FAM9A: variants seen among roughly 807,000 people sequenced by gnomAD.
FAM9A encodes protein FAM9A.
FAM9A carries 49 observed loss-of-function variants against 25.0 expected under a neutral mutation model. The ratio of observed to expected loss-of-function variants is 1.96; its 90% confidence interval spans 1.56 to 2.48. The LOEUF (loss-of-function observed/expected upper bound fraction) is 2.48, where lower values mean the gene tolerates loss of function less well. Among genes scored for constraint, FAM9A ranks in the 30% most tolerant of loss-of-function variants. FAM9A has a pLI of 0.00. For synonymous variants in FAM9A, 80 were observed against 85.1 expected (o/e 0.94, Z 0.33); for missense variants, 266 against 249.3 (o/e 1.07, Z -0.45).
chrX:8,801,273 ATGCTCG>A (rs1933607684), intron 1 of FAM9A, 32 bp downstream of exon 1: 1 of 108,645 alleles, frequency 9.2e-6, no homozygotes, highest in Non-Finnish European at 1.9e-5. Flanking sequence ...AGAGGGCCGC[ATGCTCG>A]ACTTCCTGCC....
chrX:8,798,017 A>G, intron 5 of FAM9A, 133 bp downstream of exon 5: 1 of 575,307 alleles, frequency 1.7e-6, no homozygotes, highest in East Asian at 3.7e-5. Context: ...CATTAAATAC[A>G]TATGTTAAAT....
At position 8,798,146 on chromosome X, in the gene FAM9A, A is replaced by C. The variant is rs913986395; in HGVS notation, c.373+4T>G. 2 of 1,201,140 alleles carry C rather than the reference A, an allele frequency of 1.7e-6. No homozygotes were observed. Among genetic ancestry groups the C allele is most frequent in the African/African-American group, 1.8e-5 (1 of 57,139 alleles). On this transcript the variant is annotated splice_donor_region_variant and intron_variant, in intron 5 of 9. Transcript: ENST00000381003. ...AAAGACTACGAATAGCTCCTAAAAC[A>C]TACCTGCAATATGTTCTAGCTTCAT...
In FAM9A at chrX:8,798,762, C is replaced by T. The variant is rs1396467390; in HGVS notation, c.220+204G>A. Among the ~76,000 whole-genome samples, 23 of 112,894 alleles carry T rather than the reference C, an allele frequency of 2.0e-4. No homozygotes were observed. In the Admixed American group the frequency reaches 2.1e-3, roughly 10 times the overall value. ...TGCTCTGCGAGCATCTGTAACCCTG[C>T]TATGAGGGGGAGCCTCCCACGGGAA... On this transcript the variant is annotated intron_variant, in intron 3 of 9. Transcript: ENST00000381003.
In FAM9A at chrX:8,800,095, C is replaced by A. The variant is rs775634634; in HGVS notation, c.77G>T (p.Gly26Val). Residue 26 changes from glycine to valine, a missense_variant, in exon 2 of 10, where the codon GGG becomes GTG. Physicochemically the swap from Gly to Val is moderately radical, Grantham distance 109. Transcript: ENST00000381003. ...QLEAQVTAAQ[G>V]ATKEGSGIAS... ...TGGGCGTGCACCTTCTTTCGTGGCC[C>A]CCTGGGCGGCCGTAACTTGAGCTTC... 1.7e-6 allele frequency: 2 copies of A among 1,205,609 alleles called. No individual in the cohort carries two copies. Among genetic ancestry groups the A allele is most frequent in the African/African-American group, 3.6e-5 (2 of 56,115 alleles).
At chrX:8,800,300 G>C (rs1933592160) in intron 1 of FAM9A, 91 bp from the exon 2 acceptor site, 1 of 941,581 alleles carries the variant, frequency 1.1e-6, no homozygotes, top group Admixed American at 2.8e-5. Flanking sequence ...GAAAGGGTGG[G>C]GCTGGCCCAC....
rs1376119113 is a variant in FAM9A at position 8,795,128 on chromosome X, T to TTTCTTCTCCTTCTCCTCCTCCTCCTCC, written c.754_780dup (p.Gly252_Glu260dup). ...TCTTCTTCCTCTTCCTCTTCTTCTG[T>TTTCTTCTCCTTCTCCTCCTCCTCCTCC]TTCTTCTCCTTCTCCTCCTCCTCCT... is the stretch of plus-strand genomic sequence containing the variant. On this transcript the variant is annotated inframe_insertion, in exon 7 of 10. Coordinates refer to ENST00000381003, the MANE Select transcript of FAM9A (RefSeq NM_174951.3). 6.2e-6 allele frequency: 7 copies of TTTCTTCTCCTTCTCCTCCTCCTCCTCC among 1,130,106 alleles called. No individual in the cohort carries two copies. The South Asian group carries it at 1.2e-4, about 20-fold the overall frequency. 93.1% of individuals were successfully genotyped at this position (1,130,106 alleles called of 1,213,427 possible).
Position 8,798,387 on chromosome X carries a change from G to A in FAM9A, c.313C>T (p.Pro105Ser). The change falls in exon 4 of 10, where the codon CCT becomes TCT. Residue 105 changes from proline (P) to serine (S), a missense_variant. Coordinates refer to ENST00000381003, the MANE Select transcript of FAM9A (RefSeq NM_174951.3). ...GTGTGTTCATCTTTTTCAGCAAAAGGTTCTCTTTCCCCATGCTCATCAGTT... is the reference window on the plus strand; with the variant it reads ...GTGTGTTCATCTTTTTCAGCAAAAGATTCTCTTTCCCCATGCTCATCAGTT... ...DVTDEHGERE[P>S]FAEKDEHTGI... 8.3e-7 allele frequency: 1 copy of A among 1,211,443 alleles called. No homozygotes were observed. Among genetic ancestry groups the A allele is most frequent in the South Asian group, 1.8e-5 (1 of 56,839 alleles).
In FAM9A at chrX:8,793,766, C is replaced by CA. The variant is rs772204608; in HGVS notation, c.832-11dup. The CA allele has an allele frequency of 5.2e-6, 6 of 1,150,646 alleles. No individual in the cohort carries two copies. The highest frequency in any genetic ancestry group is 7.1e-6 in the Non-Finnish European group (6 of 845,592). The allele number at this position is 1,150,646 out of a possible 1,213,427, so 94.8% of individuals were successfully genotyped here. A position where few individuals can be genotyped will look rare whatever the true frequency, so the allele number is the denominator to read the frequency against. Reference sequence around the variant, plus strand: ...TTTCTTGAAATGCTTTCTAGAAGCACAAAAAAATAGTGATGAAAATTGGGT... The same window carrying CA: ...TTTCTTGAAATGCTTTCTAGAAGCACAAAAAAAATAGTGATGAAAATTGGGT... On this transcript the variant is annotated splice_polypyrimidine_tract_variant and intron_variant, in intron 7 of 9. Transcript: ENST00000381003.
In FAM9A at chrX:8,798,152, G is replaced by C. The variant is rs1933554173; in HGVS notation, c.371C>G (p.Ala124Gly). ...TACGAATAGCTCCTAAAACATACCTGCAATATGTTCTAGCTTCATGGTATG... is the reference window on the plus strand; with the variant it reads ...TACGAATAGCTCCTAAAACATACCTCCAATATGTTCTAGCTTCATGGTATG... The part of the protein sequence containing the change: ...GIHTMKLEHI[A>G]ADIKKGLAAK... The change falls in exon 5 of 10, where the codon GCA (alanine) becomes GGA (glycine). Residue 124 changes from alanine (A) to glycine (G), a missense_variant and splice_region_variant. Ala to Gly is a moderately conservative substitution (Grantham distance 60). Transcript: ENST00000381003. 2.3e-5 allele frequency: 28 copies of C among 1,202,544 alleles called. No homozygotes were observed. The East Asian group carries it at 8.3e-4, about 36-fold the overall frequency.
At position 8,795,175 on chromosome X, in the gene FAM9A, CCTCCTTCTTCTT is replaced by C. The variant is rs779071122; in HGVS notation, c.722_733del (p.Glu241_Gly244del). 5.9e-5 allele frequency: 62 copies of C among 1,042,813 alleles called. No homozygotes were observed. The highest frequency in any genetic ancestry group is 1.1e-4 in the African/African-American group (6 of 52,467). The allele number at this position is 1,042,813 out of a possible 1,213,427, so 85.9% of individuals were successfully genotyped here. On this transcript the variant is annotated inframe_deletion, in exon 7 of 10. Coordinates refer to ENST00000381003, the MANE Select transcript of FAM9A (RefSeq NM_174951.3). ...TCCTCCTTCTTCTCCTTCTTCTCCT[CCTCCTTCTTCTT>C]CTCCTTCTTCTTCCTCCTCTTCTTT...
At chrX:8,796,899 TGGG>T (rs1933540480) in intron 5 of FAM9A, among the ~76,000 whole-genome samples, 1 of 112,286 alleles carries the variant, frequency 8.9e-6, no homozygotes, top group Non-Finnish European at 1.9e-5. Flanking sequence ...GCATCGTCCA[TGGG>T]TATAAAAATT....
chrX:8,793,476 G>A (rs1232670015), intron 8 of FAM9A, among the ~76,000 whole-genome samples, 182 bp downstream of exon 8: 1 of 111,873 alleles, frequency 8.9e-6, no homozygotes, highest in Non-Finnish European at 1.9e-5. Flanking sequence ...AACTATTCAC[G>A]AATCCTAAAA....
intron 5 of FAM9A, among the ~76,000 whole-genome samples, chrX:8,796,962 T>TG (rs1249485468): frequency 1.8e-5 from 2 of 112,401 alleles, no homozygotes; most frequent in Non-Finnish European, 3.8e-5. Context: ...AATATTTTCT[T>TG]GGAGCTTTTT....
intron 8 of FAM9A, among the ~76,000 whole-genome samples, chrX:8,792,680 C>T (rs1291941420): frequency 4.5e-5 from 5 of 112,011 alleles, no homozygotes; most frequent in African/African-American, 1.6e-4. Context: ...ATTTAAATAA[C>T]TGTTTTGTGT....
At chrX:8,798,863 G>T in intron 3 of FAM9A, 103 bp downstream of exon 3, 1 of 1,146,823 alleles carries the variant, frequency 8.7e-7, no homozygotes, top group East Asian at 3.0e-5. Flanking sequence ...AGCCACGAAG[G>T]GGCCAGGGGT....
intron 6 of FAM9A, 54 bp downstream of exon 6, chrX:8,796,214 C>G: frequency 1.0e-6 from 1 of 969,694 alleles, no homozygotes; most frequent in Non-Finnish European, 1.4e-6. Flanking sequence ...TTTGCACCAA[C>G]AAATACAAAG....
chrX:8,791,180 A>C lies in FAM9A; in HGVS notation c.*32-8T>G. The C allele has an allele frequency of 1.9e-6, 1 of 528,288 alleles. No homozygotes were observed. Among genetic ancestry groups the C allele is most frequent in the South Asian group, 5.1e-5 (1 of 19,652 alleles). The allele number at this position is 528,288 out of a possible 1,213,427, so 43.5% of individuals were successfully genotyped here. On this transcript the variant is annotated splice_polypyrimidine_tract_variant and splice_region_variant and intron_variant, in intron 9 of 9. Coordinates refer to ENST00000381003, the MANE Select transcript of FAM9A (RefSeq NM_174951.3). ...TGCCAACTCTTCCAAAAGCTGTTTCAAAAAAAAATTTAAGTAACTGTGATA... is the reference window on the plus strand; with the variant it reads ...TGCCAACTCTTCCAAAAGCTGTTTCCAAAAAAAATTTAAGTAACTGTGATA...
chrX:8,791,466 G>A, intron 8 of FAM9A, 87 bp from the exon 9 acceptor site: 1 of 658,451 alleles, frequency 1.5e-6, no homozygotes, highest in Non-Finnish European at 2.2e-6. Context: ...AAAGGAAACA[G>A]CTTTTAATAT....
At chrX:8,800,605 T>G (rs2146942427) in intron 1 of FAM9A, among the ~76,000 whole-genome samples, 1 of 109,923 alleles carries the variant, frequency 9.1e-6, no homozygotes, top group East Asian at 2.9e-4. Context: ...GATGCCCAGG[T>G]GACCCCTCGT....
Sources: allele counts gnomAD v4.1 joint callset (sites outside exome capture counted in the v4.1 genomes callset), GRCh38; gene constraint gnomAD v4.1.1; transcripts MANE v1.5; gene names NCBI Gene and HGNC (gene_info 2026-07-23, HGNC 2026-07-21).